BBS9: variants seen among roughly 807,000 people sequenced by gnomAD.
The protein encoded by BBS9 is protein PTHB1.
BBS9 carries 89 observed loss-of-function variants against 117.7 expected under a neutral mutation model. That is an observed-to-expected ratio of 0.76 (90% confidence interval 0.64 to 0.90). The LOEUF (loss-of-function observed/expected upper bound fraction) is 0.90, where lower values mean the gene tolerates loss of function less well. Ranked by LOEUF, BBS9 falls within the 40% of genes least tolerant of loss-of-function variation. BBS9 has a pLI of 0.00. For missense variants in BBS9, 982 were observed against 1,042.2 expected (o/e 0.94, Z 0.80); for synonymous variants, 379 against 370.9 (o/e 1.02, Z -0.25).
intron 16 of BBS9, among the ~76,000 whole-genome samples, chr7:33,364,647 C>A (rs1469694738): frequency 7.5e-5 from 8 of 106,044 alleles, no homozygotes; most frequent in African/African-American, 2.9e-4. Context: ...TCCCCTTCCC[C>A]CTCCTCTCCA....
At chr7:33,369,783 A>C (rs1465567269) in intron 17 of BBS9, among the ~76,000 whole-genome samples, 1 of 152,176 alleles carries the variant, frequency 6.6e-6, no homozygotes, top group Non-Finnish European at 1.5e-5. Flanking sequence ...AGTAATTTGT[A>C]CCCAATCTGT....
chr7:33,219,082 C>T (rs904152803), intron 5 of BBS9, among the ~76,000 whole-genome samples: 8 of 152,208 alleles, frequency 5.3e-5, no homozygotes, highest in Admixed American at 3.3e-4. Context: ...GCCGGCCAGC[C>T]CTGCTGGCCC....
At chr7:33,327,844 G>T (rs1017940800) in intron 9 of BBS9, among the ~76,000 whole-genome samples, 1 of 152,146 alleles carries the variant, frequency 6.6e-6, no homozygotes, top group African/African-American at 2.4e-5. Flanking sequence ...GAAAAGGGAG[G>T]GGGAGTCAAG....
At chr7:33,141,005 CACTT>C (rs1212532807) in intron 1 of BBS9, among the ~76,000 whole-genome samples, 3 of 152,096 alleles carry the variant, frequency 2.0e-5, no homozygotes, top group African/African-American at 7.2e-5. Context: ...ATTTTAGACT[CACTT>C]AGAAGTTGCA....
At chr7:33,274,230 A>T (rs1800326433) in intron 9 of BBS9, among the ~76,000 whole-genome samples, 1 of 152,228 alleles carries the variant, frequency 6.6e-6, no homozygotes, top group South Asian at 2.1e-4. Context: ...GGTTTACTTG[A>T]TAGATTATTC....
At chr7:33,449,094 A>C (rs1229778760) in intron 19 of BBS9, among the ~76,000 whole-genome samples, 1 of 152,198 alleles carries the variant, frequency 6.6e-6, no homozygotes, top group Non-Finnish European at 1.5e-5. Flanking sequence ...TGAGATGAAC[A>C]AGGGAAGAAA....
chr7:33,436,790 T>C (rs1407361607), intron 19 of BBS9, among the ~76,000 whole-genome samples: 1 of 152,252 alleles, frequency 6.6e-6, no homozygotes, highest in Non-Finnish European at 1.5e-5. Flanking sequence ...TCTTCACTGA[T>C]ATCCCTAAAT....
At chr7:33,353,759 A>G (rs1217207392) in intron 15 of BBS9, among the ~76,000 whole-genome samples, 1 of 152,100 alleles carries the variant, frequency 6.6e-6, no homozygotes, top group African/African-American at 2.4e-5. Flanking sequence ...GATGCCAACA[A>G]TCTGAGTTGC....
chr7:33,154,820 C>T (rs1793868429), intron 3 of BBS9, among the ~76,000 whole-genome samples: 1 of 152,194 alleles, frequency 6.6e-6, no homozygotes, highest in Non-Finnish European at 1.5e-5. Context: ...CATTTAAGAA[C>T]CAAGAGATTT....
intron 20 of BBS9, among the ~76,000 whole-genome samples, chr7:33,517,721 A>G (rs1305460448): frequency 6.6e-6 from 1 of 152,200 alleles, no homozygotes; most frequent in East Asian, 1.9e-4. Context: ...CCAAGGCCAC[A>G]TATCTAGAAA....
chr7:33,349,334 C>T (rs1818203845), intron 13 of BBS9, 164 bp downstream of exon 13: 2 of 660,146 alleles, frequency 3.0e-6, no homozygotes, highest in Non-Finnish European at 5.6e-6. Context: ...TTAGCATCAG[C>T]ATGAACGTTC....
At chr7:33,354,110 T>C (rs760260379) in intron 15 of BBS9, among the ~76,000 whole-genome samples, 3 of 152,154 alleles carry the variant, frequency 2.0e-5, no homozygotes, top group South Asian at 4.1e-4. Context: ...CCACAATTTA[T>C]AGAAATGGTA....
At chr7:33,214,327 G>A (rs1398588752) in intron 5 of BBS9, among the ~76,000 whole-genome samples, 1 of 152,088 alleles carries the variant, frequency 6.6e-6, no homozygotes, top group East Asian at 1.9e-4. Flanking sequence ...GAAGTGCACA[G>A]ACTCTACACT....
chr7:33,236,913 C>T (rs1387865338), intron 5 of BBS9, among the ~76,000 whole-genome samples: 4 of 152,082 alleles, frequency 2.6e-5, no homozygotes, highest in Non-Finnish European at 4.4e-5. Context: ...CCTTTTACCT[C>T]ATCATTTTTA....
At chr7:33,399,929 T>C (rs1366623698) in intron 19 of BBS9, among the ~76,000 whole-genome samples, 1 of 152,180 alleles carries the variant, frequency 6.6e-6, no homozygotes, top group Non-Finnish European at 1.5e-5. Context: ...TATTATCGTA[T>C]GAAAACATTC....
chr7:33,545,732 A>G (rs575454694), intron 21 of BBS9, among the ~76,000 whole-genome samples: 23 of 152,180 alleles, frequency 1.5e-4, no homozygotes, highest in African/African-American at 4.8e-4. Flanking sequence ...AAAATTTAAA[A>G]TCATTAATAA....
intron 21 of BBS9, among the ~76,000 whole-genome samples, chr7:33,551,108 T>C (rs1854341067): frequency 2.0e-5 from 3 of 152,190 alleles, no homozygotes; most frequent in Non-Finnish European, 4.4e-5. Flanking sequence ...AGGTGTTTGC[T>C]TGTTGGTTGC....
At position 33,336,635 on chromosome 7, in the gene BBS9, C is replaced by T. The variant is rs753894974; in HGVS notation, c.1198+13C>T. ...AACAAATCACAAGGTATCTCATTTGCAGCTTTTTATTATTTTAGTATTCAT... is the reference window on the plus strand; with the variant it reads ...AACAAATCACAAGGTATCTCATTTGTAGCTTTTTATTATTTTAGTATTCAT... On this transcript the variant is annotated intron_variant, in intron 10 of 22. Transcript: ENST00000242067. 50 of 1,559,662 alleles carry T rather than the reference C, an allele frequency of 3.2e-5. No individual in the cohort carries two copies. Among genetic ancestry groups the T allele is most frequent in the Non-Finnish European group, 4.0e-5 (46 of 1,135,924 alleles).
chr7:33,333,300 G>A (rs929439358), intron 9 of BBS9, among the ~76,000 whole-genome samples: 5 of 152,110 alleles, frequency 3.3e-5, no homozygotes, highest in African/African-American at 1.2e-4. Context: ...TTATAAGTGA[G>A]AACATACCAT....
Sources: gnomAD v4.1 joint callset for allele counts (sites outside exome capture counted in the v4.1 genomes callset) on GRCh38, gnomAD v4.1.1 for gene constraint, MANE v1.5 for transcripts, NCBI Gene and HGNC (gene_info 2026-07-23, HGNC 2026-07-21) for gene names.